Variants in TRARG1 observed in about 807,000 individuals in gnomAD.
TRARG1 encodes the protein trafficking regulator of GLUT4 (SLC2A4) 1 (gene/pseudogene), also known as trafficking regulator of GLUT4 1.
Under a neutral mutation model 13.3 loss-of-function variants are expected in TRARG1, and 16 were observed. The ratio of observed to expected loss-of-function variants is 1.20; its 90% CI spans 0.81 to 1.83. The LOEUF (loss-of-function observed/expected upper bound fraction) is 1.83. TRARG1 is among the 40% of genes most tolerant of loss of function. TRARG1 has a pLI of 0.00. For synonymous variants in TRARG1, 113 were observed against 106.2 expected (o/e 1.06, Z -0.39); for missense variants, 250 against 237.4 (o/e 1.05, Z -0.35).
In TRARG1 at chr17:1,298,235, T is replaced by C. The variant is rs1408861942; in HGVS notation, c.521-16T>C. ...TCTGAGCCCTGTTCTGCCATATCTG[T>C]TTTTTTTCTTTACAGTTCAGAAGAA... is the stretch of plus-strand genomic sequence containing the variant. On this transcript the variant is annotated splice_polypyrimidine_tract_variant and intron_variant, in intron 2 of 2. Transcript: ENST00000333813. 6.2e-7 allele frequency: 1 copy of C among 1,613,084 alleles called. No individual in the cohort carries two copies. Among genetic ancestry groups the C allele is most frequent in the Non-Finnish European group, 8.5e-7 (1 of 1,179,506 alleles).
At chr17:1,284,561 G>A (rs1028902418) in intron 1 of TRARG1, among the ~76,000 whole-genome samples, 1 of 152,254 alleles carries the variant, frequency 6.6e-6, no homozygotes, top group African/African-American at 2.4e-5. Flanking sequence ...AACCCTCTAA[G>A]AGTGGGTTGT....
intron 1 of TRARG1, among the ~76,000 whole-genome samples, chr17:1,286,382 C>T (rs80088512): frequency 0.024 from 2,662 of 112,884 alleles, 31 homozygotes; most frequent in Middle Eastern, 0.069. Context: ...GAGGTGTTAT[C>T]GGCCTGTGGG....
intron 1 of TRARG1, among the ~76,000 whole-genome samples, chr17:1,281,999 GATATACACATATGTACATA>G (rs2071977174): frequency 6.6e-6 from 1 of 150,770 alleles, no homozygotes; most frequent in African/African-American, 2.4e-5. Flanking sequence ...CATATATACA[GATATACACATATGTACATA>G]TACATATGTA....
At chr17:1,296,631 C>T (rs1403851549) in intron 2 of TRARG1, among the ~76,000 whole-genome samples, 1 of 151,960 alleles carries the variant, frequency 6.6e-6, no homozygotes, top group Non-Finnish European at 1.5e-5. Context: ...CCTGTCTCAG[C>T]CTCTCGAGTA....
chr17:1,283,596 C>A (rs1340800373), intron 1 of TRARG1, among the ~76,000 whole-genome samples: 1 of 146,806 alleles, frequency 6.8e-6, no homozygotes. Flanking sequence ...CTCCTGAGAT[C>A]AGGAGTTCGA....
At chr17:1,280,927 C>G (rs79996046) in intron 1 of TRARG1, among the ~76,000 whole-genome samples, 13,741 of 152,248 alleles carry the variant, frequency 0.09, 720 homozygotes, top group South Asian at 0.2. Flanking sequence ...GAGGGGCGCA[C>G]AAAGCGGGGA....
chr17:1,290,452 C>A lies in TRARG1; in HGVS notation c.388-5039C>A. 1.3e-5 allele frequency among the ~76,000 whole-genome samples: 2 copies of A among 152,278 alleles called. 1 individual carries two copies. Among genetic ancestry groups the A allele is most frequent in the Non-Finnish European group, 2.9e-5 (2 of 68,020 alleles). ...CTGAAGCTACAGACACATGCCACCACGCCCGGCTAATTTTTGTATTTTTTG... is the reference window on the plus strand; with the variant it reads ...CTGAAGCTACAGACACATGCCACCAAGCCCGGCTAATTTTTGTATTTTTTG... On this transcript the variant is annotated intron_variant, in intron 1 of 2. Coordinates refer to ENST00000333813, the MANE Select transcript of TRARG1 (RefSeq NM_172367.3).
In TRARG1 at chr17:1,291,952, A is replaced by T. The variant is rs139411002; in HGVS notation, c.388-3539A>T. ...TAGGCCAGGCGCGGTGGCTGGGATC[A>T]CCTGAGGTCGGGAGTTCAAGACCAG... is the stretch of plus-strand genomic sequence containing the variant. On this transcript the variant is annotated intron_variant, in intron 1 of 2. Coordinates refer to ENST00000333813, the MANE Select transcript of TRARG1 (RefSeq NM_172367.3). Among the ~76,000 whole-genome samples the T allele has an allele frequency of 7.0e-3, 1,070 of 152,258 alleles. 13 individuals carry two copies. The highest frequency in any genetic ancestry group is 0.024 in the African/African-American group (1,011 of 41,554).
At chr17:1,297,913 G>A (rs527342795) in intron 2 of TRARG1, among the ~76,000 whole-genome samples, 20 of 152,252 alleles carry the variant, frequency 1.3e-4, no homozygotes, top group African/African-American at 4.6e-4. Flanking sequence ...CCAGAGTGGT[G>A]CACATTTTAA....
intron 2 of TRARG1, among the ~76,000 whole-genome samples, chr17:1,296,615 G>C (rs555980076): frequency 1.3e-5 from 2 of 151,574 alleles, no homozygotes; most frequent in South Asian, 4.2e-4. Context: ...AGGTTCAAGT[G>C]ATTCTCCTGT....
At chr17:1,282,327 T>TGTACATATGCGTATATATGTACATAC (rs1401013949) in intron 1 of TRARG1, among the ~76,000 whole-genome samples, 5 of 151,414 alleles carry the variant, frequency 3.3e-5, no homozygotes, top group Non-Finnish European at 5.9e-5. Flanking sequence ...TATGTACATA[T>TGTACATATGCGTATATATGTACATAC]ATGTACGTAT....
chr17:1,280,916 C>T (rs1011294155), intron 1 of TRARG1, among the ~76,000 whole-genome samples: 14 of 152,290 alleles, frequency 9.2e-5, no homozygotes, highest in Admixed American at 2.6e-4. Context: ...CAGGCTCCCC[C>T]GAGGGGCGCA....
At chr17:1,291,528 C>T (rs574219046) in intron 1 of TRARG1, among the ~76,000 whole-genome samples, 69 of 152,338 alleles carry the variant, frequency 4.5e-4, no homozygotes, top group Middle Eastern at 3.4e-3. Flanking sequence ...TCCTGAGCCT[C>T]TCTGGCCATG....
rs537446640 is a variant in TRARG1 at position 1,280,562 on chromosome 17, C to T, written c.387+174C>T. Among the ~76,000 whole-genome samples the T allele has an allele frequency of 1.3e-3, 203 of 152,252 alleles. 8 individuals are homozygous for T. In the South Asian group the frequency reaches 0.04, roughly 30 times the overall value. ...TCCTCCTTCCTCTTAGAGAGGGGCC[C>T]CGGGGCTGGAAGAGCTCCTGCTCTG... On this transcript the variant is annotated intron_variant, in intron 1 of 2. Coordinates refer to ENST00000333813, the MANE Select transcript of TRARG1 (RefSeq NM_172367.3).
intron 1 of TRARG1, 28 bp from the exon 2 acceptor site, chr17:1,295,463 C>G: frequency 6.4e-7 from 1 of 1,565,700 alleles, no homozygotes; most frequent in Non-Finnish European, 8.7e-7. Context: ...TTCCCGGTTC[C>G]CGGGGTCTCT....
chr17:1,289,708 C>G (rs143666709), intron 1 of TRARG1, among the ~76,000 whole-genome samples: 1 of 151,708 alleles, frequency 6.6e-6, no homozygotes, highest in Admixed American at 6.6e-5. Context: ...GTCTGTGGAC[C>G]TTTCCTCTTT....
In TRARG1 at chr17:1,280,371, C is replaced by T. The variant is rs2071964613; in HGVS notation, c.370C>T (p.Leu124Phe). Residue 124 changes from leucine (L) to phenylalanine (F), a missense_variant, in exon 1 of 3, where the codon CTC (leucine) becomes TTC (phenylalanine). Physicochemically the swap from Leu to Phe is conservative, Grantham distance 22 (BLOSUM62 0). Coordinates refer to ENST00000333813, the MANE Select transcript of TRARG1 (RefSeq NM_172367.3). Reference protein sequence around the residue: ...CPVWPLNLIPLIISIMSRSSM... With the variant: ...CPVWPLNLIPFIISIMSRSSM... ...CGTCTGGCCCCTCAACCTCATCCCCCTCATCATTTCCATCATGGTAAGTGC... is the reference window on the plus strand; with the variant it reads ...CGTCTGGCCCCTCAACCTCATCCCCTTCATCATTTCCATCATGGTAAGTGC... 1 of 1,601,850 alleles carries T rather than the reference C, an allele frequency of 6.2e-7. No individual in the cohort carries two copies. The highest frequency in any genetic ancestry group is 8.5e-7 in the Non-Finnish European group (1 of 1,173,896).
intron 1 of TRARG1, among the ~76,000 whole-genome samples, chr17:1,292,491 C>T (rs2072076182): frequency 6.6e-6 from 1 of 152,172 alleles, no homozygotes; most frequent in African/African-American, 2.4e-5. Context: ...CTAGCCCTGC[C>T]CACCTCTGTG....
chr17:1,279,837 G>GCCCAGCCCAACC lies in TRARG1; in HGVS notation c.-164_-163insCCAGCCCAACCC. 2.6e-6 allele frequency: 2 copies of GCCCAGCCCAACC among 756,114 alleles called. No homozygotes were observed. The highest frequency in any genetic ancestry group is 2.3e-5 in the South Asian group (1 of 44,088). 46.8% of individuals were successfully genotyped at this position (756,114 alleles called of 1,614,324 possible). On this transcript the variant is annotated 5_prime_UTR_variant, in exon 1 of 3. Coordinates refer to ENST00000333813, the MANE Select transcript of TRARG1 (RefSeq NM_172367.3). The stretch of plus-strand genomic sequence containing the variant: ...CCTCTGAACTCAGCTGGCTTGAGAA[G>GCCCAGCCCAACC]CTCAGCCCAACCCTTCCAGCACCCA...
Sources: gnomAD v4.1 joint callset for allele counts (sites outside exome capture counted in the v4.1 genomes callset) on GRCh38, gnomAD v4.1.1 for gene constraint, MANE v1.5 for transcripts, NCBI Gene and HGNC (gene_info 2026-07-23, HGNC 2026-07-21) for gene names.